Variants in DNM3 observed in about 807,000 individuals in gnomAD.
DNM3 encodes dynamin 3, also known as dynamin-3.
Under a neutral mutation model 101.6 loss-of-function variants are expected in DNM3, and 47 were observed. That is an observed-to-expected ratio of 0.46 (90% confidence interval 0.37 to 0.59). The LOEUF (loss-of-function observed/expected upper bound fraction) is 0.59, where lower values mean the gene tolerates loss of function less well. Ranked by LOEUF, DNM3 falls within the 20% of genes least tolerant of loss-of-function variation. The pLI is 0.00. For synonymous variants in DNM3, 385 were observed against 387.9 expected (o/e 0.99, Z 0.09); for missense variants, 849 against 1,085.7 (o/e 0.78, Z 3.06).
chr1:171,937,626 G>GT (rs2041527921), intron 2 of DNM3, among the ~76,000 whole-genome samples: 1 of 152,166 alleles, frequency 6.6e-6, no homozygotes, highest in Admixed American at 6.5e-5. Flanking sequence ...CTGGAGTGGA[G>GT]TGGTGCCATC....
chr1:172,119,844 C>T (rs888683356), intron 13 of DNM3, among the ~76,000 whole-genome samples: 1 of 152,158 alleles, frequency 6.6e-6, no homozygotes, highest in Non-Finnish European at 1.5e-5. Context: ...GAGTCATCTT[C>T]GACACCCCTT....
chr1:172,197,205 A>G (rs572717407), intron 14 of DNM3, among the ~76,000 whole-genome samples: 1 of 152,114 alleles, frequency 6.6e-6, no homozygotes, highest in Non-Finnish European at 1.5e-5. Context: ...TTTGTCGAAG[A>G]TCAGATTGTT....
At chr1:172,042,717 T>C (rs1340222769) in intron 8 of DNM3, among the ~76,000 whole-genome samples, 1 of 152,118 alleles carries the variant, frequency 6.6e-6, no homozygotes, top group Non-Finnish European at 1.5e-5. Flanking sequence ...CACTAAAGTA[T>C]GACAGGTGAA....
chr1:171,883,363 CCACACACACACACACACACACA>C (rs71107337), intron 1 of DNM3, among the ~76,000 whole-genome samples: 101 of 119,998 alleles, frequency 8.4e-4, no homozygotes, highest in African/African-American at 2.6e-3. Context: ...CAAAAAAGGA[CCACACACACACACACACACACA>C]CACACACACA....
rs1456616861 is a variant in DNM3, at chr1:172,408,307, T to C, written c.*466T>C. On this transcript the variant is annotated 3_prime_UTR_variant, in exon 21 of 21. Transcript: ENST00000627582. ...TTAATGCTACTACCTACTCCATAAT[T>C]GCCTATTTAGCTCCTCTTTTCTTCC... 2 of 986,790 alleles carry C rather than the reference T, an allele frequency of 2.0e-6. No homozygotes were observed. The highest frequency in any genetic ancestry group is 2.4e-6 in the Non-Finnish European group (2 of 830,890). 61.1% of individuals were successfully genotyped at this position (986,790 alleles called of 1,614,324 possible). A position where few individuals can be genotyped will look rare whatever the true frequency, so the allele number is the denominator to read the frequency against.
chr1:172,378,573 C>T (rs1231891417), intron 17 of DNM3, among the ~76,000 whole-genome samples: 1 of 152,006 alleles, frequency 6.6e-6, no homozygotes, highest in Non-Finnish European at 1.5e-5. Flanking sequence ...GCTGATCCAT[C>T]CCAGAGCAGA....
intron 17 of DNM3, among the ~76,000 whole-genome samples, chr1:172,330,356 TAAC>T (rs905227627): frequency 6.6e-6 from 1 of 152,062 alleles, no homozygotes; most frequent in Admixed American, 6.6e-5. Flanking sequence ...CATGATAAAT[TAAC>T]AAAACATTGT....
intron 14 of DNM3, chr1:172,138,956 G>C (rs933560713): frequency 1.3e-5 from 6 of 471,318 alleles, no homozygotes; most frequent in Admixed American, 4.7e-5. Context: ...CAATCAGCCT[G>C]TTTTCCAGAT....
intron 4 of DNM3, among the ~76,000 whole-genome samples, chr1:171,995,414 G>A (rs909600500): frequency 1.3e-5 from 2 of 151,244 alleles, no homozygotes; most frequent in African/African-American, 4.9e-5. Context: ...TAGAAATCCA[G>A]GTGTTTTTTT....
chr1:172,394,072 T>C (rs1261991465), intron 20 of DNM3: 1 of 152,254 alleles, frequency 6.6e-6, no homozygotes, highest in Non-Finnish European at 1.5e-5. Context: ...AATTTCACCA[T>C]GATTCTGGCT....
chr1:172,017,026 A>G (rs572712447), intron 4 of DNM3, among the ~76,000 whole-genome samples: 19 of 152,218 alleles, frequency 1.2e-4, no homozygotes, highest in African/African-American at 4.1e-4. Context: ...ATTTATGGGT[A>G]TACAGTTGTT....
chr1:171,931,231 T>TA (rs1376015423), intron 2 of DNM3, among the ~76,000 whole-genome samples: 2 of 152,198 alleles, frequency 1.3e-5, no homozygotes, highest in Middle Eastern at 3.2e-3. Flanking sequence ...GGCAATGCCT[T>TA]AAAAACTGAT....
chr1:172,092,932 C>T (rs371797521), intron 13 of DNM3, 57 bp downstream of exon 13: 17 of 1,436,656 alleles, frequency 1.2e-5, no homozygotes, highest in African/African-American at 5.8e-5. Flanking sequence ...TGAACTAAAT[C>T]GCTTGATTGA....
intron 13 of DNM3, among the ~76,000 whole-genome samples, chr1:172,119,032 G>A (rs2056121661): frequency 6.9e-6 from 1 of 144,748 alleles, no homozygotes; most frequent in Non-Finnish European, 1.5e-5. Flanking sequence ...CACTCTTGTT[G>A]CCCAGGCTGG....
At chr1:171,912,656 A>C (rs1367191968) in intron 1 of DNM3, among the ~76,000 whole-genome samples, 1 of 152,216 alleles carries the variant, frequency 6.6e-6, no homozygotes, top group Non-Finnish European at 1.5e-5. Context: ...GAACCTTTTA[A>C]AGGAACTCTT....
At chr1:171,907,330 A>G (rs1030923857) in intron 1 of DNM3, among the ~76,000 whole-genome samples, 3 of 152,168 alleles carry the variant, frequency 2.0e-5, no homozygotes, top group Non-Finnish European at 4.4e-5. Flanking sequence ...CGTCTCTACT[A>G]AAAATACAAA....
chr1:172,099,530 C>T (rs554824912), intron 13 of DNM3, among the ~76,000 whole-genome samples: 17 of 149,934 alleles, frequency 1.1e-4, no homozygotes, highest in Non-Finnish European at 2.4e-4. Context: ...CACCTAGCTG[C>T]GTGGGAAATA....
intron 15 of DNM3, among the ~76,000 whole-genome samples, chr1:172,276,209 G>A (rs1200615998): frequency 6.6e-6 from 1 of 151,952 alleles, no homozygotes; most frequent in African/African-American, 2.4e-5. Flanking sequence ...TAATTAGTGT[G>A]GGACAGCACT....
intron 14 of DNM3, among the ~76,000 whole-genome samples, chr1:172,211,390 C>G (rs941634663): frequency 2.0e-5 from 3 of 152,100 alleles, no homozygotes; most frequent in African/African-American, 7.2e-5. Context: ...ATGCTAAAGT[C>G]TCTCCTGGAT....
Sources: allele counts gnomAD v4.1 joint callset (sites outside exome capture counted in the v4.1 genomes callset), GRCh38; gene constraint gnomAD v4.1.1; transcripts MANE v1.5; gene names NCBI Gene and HGNC (gene_info 2026-07-23, HGNC 2026-07-21).